Variants in PRKN observed in about 807,000 individuals in gnomAD.
PRKN encodes E3 ubiquitin-protein ligase parkin.
A neutral mutation model predicts 59.5 loss-of-function variants in PRKN; 56 were observed. That is an observed-to-expected ratio of 0.94 (90% CI 0.76 to 1.18). The LOEUF is 1.18. Among genes scored for constraint, PRKN ranks in the 50% most tolerant of loss-of-function variants. The pLI, the probability that PRKN is intolerant of heterozygous loss-of-function variation, is 0.00. For missense variants in PRKN, 657 were observed against 596.4 expected (o/e 1.10, Z -1.06); for synonymous variants, 250 against 222.1 (o/e 1.13, Z -1.12).
At position 161,785,855 on chromosome 6, in the gene PRKN, C is replaced by G. The variant is rs1348418442; in HGVS notation, c.788G>C (p.Cys263Ser). 6.2e-7 allele frequency: 1 copy of G among 1,614,112 alleles called. No homozygotes were observed. Among genetic ancestry groups the G allele is most frequent in the Admixed American group, 1.7e-5 (1 of 60,020 alleles). ...TCTTGTCACACAGTATAAGTGGAAA[C>G]AGTCTAAGCAAATCACGTGGCGGGA... ...CNSRHVICLD[C>S]FHLYCVTRLN... Residue 263 changes from cysteine to serine, a missense_variant, in exon 7 of 12, where the codon TGT (cysteine) becomes TCT (serine). Coordinates refer to ENST00000366898, the MANE Select transcript of PRKN (RefSeq NM_004562.3).
Position 161,405,697 on chromosome 6 carries a change from G to A in PRKN, c.1084-18820C>T, listed in dbSNP as rs940132938. On this transcript the variant is annotated intron_variant, in intron 9 of 11. Transcript: ENST00000366898. This position sits in a 1 kb window ranked among gnomAD's most constrained non-coding sequence, Gnocchi z 5.1. ...ATTTTGGGCCAGCTTCCAGGAGAAA[G>A]GGAAGGGAAACTGAGGGTCCATGAG... Among the ~76,000 whole-genome samples the A allele has an allele frequency of 4.6e-5, 7 of 152,064 alleles. No homozygotes were observed. The highest frequency in any genetic ancestry group is 2.6e-4 in the Admixed American group (4 of 15,258).
At chr6:162,180,002 G>A (rs1583160763) in intron 4 of PRKN, among the ~76,000 whole-genome samples, 1 of 144,504 alleles carries the variant, frequency 6.9e-6, no homozygotes, top group African/African-American at 2.6e-5. Flanking sequence ...GTGTGTGTGT[G>A]TGTGTATGTG....
rs543294806 is a variant in PRKN at position 161,828,264 on chromosome 6, T to C, written c.735-42356A>G. 4.9e-4 allele frequency among the ~76,000 whole-genome samples: 74 copies of C among 152,326 alleles called. 1 individual carries two copies. In the South Asian group the frequency reaches 0.011, roughly 23 times the overall value. ...CCAAATAAAGCCTTACCAGTAACTA[T>C]TTAGCTTAATAATTTCTTGTTTTTC... is the stretch of plus-strand genomic sequence containing the variant. On this transcript the variant is annotated intron_variant, in intron 6 of 11. Coordinates refer to ENST00000366898, the MANE Select transcript of PRKN (RefSeq NM_004562.3).
chr6:162,298,609 CCCCCCCACCA>C (rs1583335461), intron 2 of PRKN, among the ~76,000 whole-genome samples: 1 of 112,822 alleles, frequency 8.9e-6, no homozygotes, highest in African/African-American at 3.4e-5. Flanking sequence ...GACTCTCCCA[CCCCCCCACCA>C]CCCCCCACCC....
At chr6:162,063,447 T>C (rs1778187686) in intron 4 of PRKN, among the ~76,000 whole-genome samples, 1 of 152,216 alleles carries the variant, frequency 6.6e-6, no homozygotes, top group South Asian at 2.1e-4. Context: ...TTAGCCACTA[T>C]GATAATACTA....
intron 2 of PRKN, among the ~76,000 whole-genome samples, chr6:162,389,012 A>AAAG: frequency 6.6e-6 from 1 of 150,922 alleles, no homozygotes; most frequent in East Asian, 1.9e-4. Context: ...CTCCAGAAAA[A>AAAG]AAAAAAAAAA....
chr6:161,513,086 A>G (rs535671416), intron 9 of PRKN, among the ~76,000 whole-genome samples: 1 of 152,340 alleles, frequency 6.6e-6, no homozygotes, highest in Admixed American at 6.5e-5. Flanking sequence ...CCACTCACTT[A>G]GGAAAGCAGA....
intron 2 of PRKN, among the ~76,000 whole-genome samples, chr6:162,281,607 AT>A (rs993849499): frequency 5.9e-5 from 9 of 152,132 alleles, no homozygotes; most frequent in African/African-American, 1.4e-4. Flanking sequence ...TAAAAAAGAA[AT>A]CTTTGTTTTG....
At chr6:162,459,679 A>C (rs1406396629) in intron 1 of PRKN, among the ~76,000 whole-genome samples, 1 of 152,194 alleles carries the variant, frequency 6.6e-6, no homozygotes, top group Non-Finnish European at 1.5e-5. Flanking sequence ...GAGTTGTTAT[A>C]AGTATGAAAT....
intron 4 of PRKN, among the ~76,000 whole-genome samples, chr6:162,109,495 A>G (rs1158549924): frequency 2.0e-5 from 3 of 152,196 alleles, no homozygotes; most frequent in Non-Finnish European, 4.4e-5. Context: ...GGCAGAGATG[A>G]TACAGGGACC....
At chr6:162,297,107 T>C (rs1448554763) in intron 2 of PRKN, among the ~76,000 whole-genome samples, 2 of 151,904 alleles carry the variant, frequency 1.3e-5, no homozygotes, top group Non-Finnish European at 2.9e-5. Flanking sequence ...AGCCATAGCT[T>C]AATCCTACAT....
At chr6:162,335,443 G>T (rs1305385258) in intron 2 of PRKN, among the ~76,000 whole-genome samples, 4 of 152,102 alleles carry the variant, frequency 2.6e-5, no homozygotes, top group Non-Finnish European at 5.9e-5. Context: ...ACACTCATGG[G>T]TTGCACTTTC....
intron 1 of PRKN, among the ~76,000 whole-genome samples, chr6:162,488,183 T>G (rs576327193): frequency 6.6e-6 from 1 of 152,098 alleles, no homozygotes; most frequent in Non-Finnish European, 1.5e-5. Context: ...GAAGGAAGAA[T>G]TCCTGTTACT....
intron 7 of PRKN, among the ~76,000 whole-genome samples, chr6:161,569,955 C>A (rs1780807210): frequency 6.6e-6 from 1 of 151,610 alleles, no homozygotes; most frequent in African/African-American, 2.4e-5. Flanking sequence ...TTTGTGAAGA[C>A]CTATTAGATC....
chr6:161,570,146 A>AAAAAAAATATAT (rs869285771), intron 7 of PRKN, among the ~76,000 whole-genome samples: 1 of 76,610 alleles, frequency 1.3e-5, no homozygotes, highest in African/African-American at 6.8e-5. Context: ...AAAAAAAAAA[A>AAAAAAAATATAT]ATATATATAT....
At chr6:162,565,963 C>A (rs1160484385) in intron 1 of PRKN, among the ~76,000 whole-genome samples, 1 of 151,934 alleles carries the variant, frequency 6.6e-6, no homozygotes, top group African/African-American at 2.4e-5. Context: ...GATTTCAAGA[C>A]AAAAACTATA....
chr6:162,389,608 T>C (rs1227557139), intron 2 of PRKN, among the ~76,000 whole-genome samples: 1 of 152,204 alleles, frequency 6.6e-6, no homozygotes, highest in Non-Finnish European at 1.5e-5. Flanking sequence ...CCAGTGTGTA[T>C]TGCAGCAGAT....
At chr6:162,113,416 T>G (rs768079053) in intron 4 of PRKN, among the ~76,000 whole-genome samples, 2 of 152,190 alleles carry the variant, frequency 1.3e-5, no homozygotes, top group Non-Finnish European at 2.9e-5. Flanking sequence ...TATTAGAACT[T>G]ATGCTATTAA....
chr6:162,701,862 C>CAT (rs1397284752), intron 1 of PRKN, among the ~76,000 whole-genome samples: 1 of 111,682 alleles, frequency 9.0e-6, no homozygotes, highest in Non-Finnish European at 1.8e-5. Flanking sequence ...CACATACATA[C>CAT]ATACACACAC....
Sources: allele counts gnomAD v4.1 joint callset (sites outside exome capture counted in the v4.1 genomes callset), GRCh38; gene constraint gnomAD v4.1.1; non-coding constraint Gnocchi (gnomAD v3.1); transcripts MANE v1.5; gene names NCBI Gene and HGNC (gene_info 2026-07-23, HGNC 2026-07-21).